Variants in PDE2A observed in about 807,000 individuals in gnomAD.
The protein encoded by PDE2A is cGMP-dependent 3',5'-cyclic phosphodiesterase.
A neutral mutation model predicts 133.6 loss-of-function variants in PDE2A; 53 were observed. That is an observed-to-expected ratio of 0.40 (90% CI 0.32 to 0.50). The LOEUF (loss-of-function observed/expected upper bound fraction) is 0.50. Ranked by LOEUF, PDE2A falls within the 20% of genes least tolerant of loss-of-function variation. The pLI, the probability that PDE2A is intolerant of heterozygous loss-of-function variation, is 0.73. For synonymous variants in PDE2A, 491 were observed against 490.2 expected, an observed-to-expected ratio of 1.00 and a Z score of -0.02; for missense variants, 796 against 1,232.4, an observed-to-expected ratio of 0.65 and a Z score of 5.30.
At chr11:72,655,490 T>TGTGTGTGTGTGTGCACGCAC (rs1290873258) in intron 1 of PDE2A, among the ~76,000 whole-genome samples, 3 of 111,330 alleles carry the variant, frequency 2.7e-5, no homozygotes, top group Admixed American at 2.4e-4. Flanking sequence ...AGTGAGTGCC[T>TGTGTGTGTGTGTGCACGCAC]GTGTGTGTGT....
intron 4 of PDE2A, among the ~76,000 whole-genome samples, chr11:72,603,402 C>G (rs1037709231): frequency 5.9e-5 from 9 of 152,168 alleles, no homozygotes; most frequent in African/African-American, 9.7e-5. Context: ...ATGCCTGGAC[C>G]GCAGATACGC....
At chr11:72,584,013 T>C (rs1245766792) in intron 19 of PDE2A, among the ~76,000 whole-genome samples, 188 bp downstream of exon 19, 2 of 152,168 alleles carry the variant, frequency 1.3e-5, no homozygotes, top group African/African-American at 4.8e-5. Context: ...GTATGCCCAA[T>C]TTTTAGATGG....
chr11:72,622,464 T>G (rs1857824499), intron 2 of PDE2A, among the ~76,000 whole-genome samples: 1 of 152,238 alleles, frequency 6.6e-6, no homozygotes, highest in Non-Finnish European at 1.5e-5. Flanking sequence ...AAGTGTCTGG[T>G]GTTGGATGGA....
chr11:72,645,924 T>C (rs1377703897), intron 1 of PDE2A, among the ~76,000 whole-genome samples: 1 of 152,222 alleles, frequency 6.6e-6, no homozygotes, highest in Non-Finnish European at 1.5e-5. Context: ...AGCTTGTAAG[T>C]AGTCAAAATT....
At chr11:72,579,970 C>T (rs1855645122) in intron 25 of PDE2A, 2 of 241,306 alleles carry the variant, frequency 8.3e-6, no homozygotes. Flanking sequence ...AGTGATGAGG[C>T]AAGGGCAAGG....
At chr11:72,636,065 C>T (rs1858678757) in intron 2 of PDE2A, 2 of 1,273,512 alleles carry the variant, frequency 1.6e-6, no homozygotes, top group African/African-American at 3.0e-5. Context: ...GCATGCAAGG[C>T]CAACTCCCTT....
At chr11:72,612,952 A>C (rs1370182569) in intron 2 of PDE2A, among the ~76,000 whole-genome samples, 1 of 152,178 alleles carries the variant, frequency 6.6e-6, no homozygotes, top group Non-Finnish European at 1.5e-5. Context: ...TTCTGCACTT[A>C]TCTGGGGAGA....
intron 1 of PDE2A, among the ~76,000 whole-genome samples, chr11:72,665,911 C>A (rs1241743004): frequency 8.8e-5 from 13 of 147,234 alleles, no homozygotes; most frequent in South Asian, 2.2e-4. Context: ...AAAACAACAA[C>A]AAAAAAAAAA....
intron 4 of PDE2A, chr11:72,598,845 G>C: frequency 1.0e-6 from 1 of 985,258 alleles, no homozygotes; most frequent in African/African-American, 1.7e-5. Context: ...TACAGGAACC[G>C]GTGGTGTCTC....
intron 2 of PDE2A, among the ~76,000 whole-genome samples, chr11:72,613,302 T>C (rs1331719369): frequency 6.6e-6 from 1 of 151,928 alleles, no homozygotes; most frequent in Non-Finnish European, 1.5e-5. Flanking sequence ...CCGGCTGTGC[T>C]CTTGGGACTG....
At chr11:72,582,608 C>T (rs1263846486) in intron 20 of PDE2A, 42 bp from the exon 21 acceptor site, 1 of 1,567,228 alleles carries the variant, frequency 6.4e-7, no homozygotes, top group Admixed American at 1.8e-5. Context: ...AGCCTTCACC[C>T]CATCTGGTGT....
chr11:72,650,180 C>T (rs1032932334), intron 1 of PDE2A, among the ~76,000 whole-genome samples: 1 of 152,082 alleles, frequency 6.6e-6, no homozygotes, highest in Non-Finnish European at 1.5e-5. Flanking sequence ...TGCCATTACG[C>T]CCGGCTAATA....
At position 72,581,911 on chromosome 11, in the gene PDE2A, T is replaced by C; in HGVS notation, c.1888A>G (p.Asn630Asp). Reference sequence around the variant, plus strand: ...GTCGGGCAGTCAATTTTGTAGTTGTTGATGAAATTCATGTCCTGCAGCATG... The same window carrying C: ...GTCGGGCAGTCAATTTTGTAGTTGTCGATGAAATTCATGTCCTGCAGCATG... The part of the protein sequence containing the change: ...LSMLQDMNFI[N>D]NYKIDCPTLA... The change falls in exon 22 of 31, where the codon AAC becomes GAC. Residue 630 changes from asparagine (N) to aspartate (D), a missense_variant. Transcript: ENST00000334456. The C allele has an allele frequency of 4.3e-6, 7 of 1,614,006 alleles. No individual in the cohort carries two copies. Among genetic ancestry groups the C allele is most frequent in the Non-Finnish European group, 5.9e-6 (7 of 1,179,994 alleles).
intron 2 of PDE2A, among the ~76,000 whole-genome samples, chr11:72,641,196 T>C (rs1858937048): frequency 6.6e-6 from 1 of 152,180 alleles, no homozygotes; most frequent in African/African-American, 2.4e-5. Context: ...GATGAGGGGC[T>C]TTATAAGTTA....
intron 2 of PDE2A, among the ~76,000 whole-genome samples, chr11:72,624,653 C>T (rs1857956714): frequency 6.6e-6 from 1 of 152,252 alleles, no homozygotes; most frequent in African/African-American, 2.4e-5. Flanking sequence ...GACACACCCT[C>T]CATGTGCTCA....
chr11:72,597,793 C>G lies in PDE2A; in HGVS notation c.324-174G>C, dbSNP rs1180725092. Among the ~76,000 whole-genome samples, 1 of 152,160 alleles carries G rather than the reference C, an allele frequency of 6.6e-6. No homozygotes were observed. Among genetic ancestry groups the G allele is most frequent in the East Asian group, 1.9e-4 (1 of 5,196 alleles). On this transcript the variant is annotated intron_variant, in intron 4 of 30. Coordinates refer to ENST00000334456, the MANE Select transcript of PDE2A (RefSeq NM_002599.5). This position sits in a 1 kb window ranked among gnomAD's most constrained non-coding sequence, Gnocchi z 4.6. ...AGTAAAAAAGTAGGGGACCCTGGACCCTATGTGGAGAAACAGGCAGCCACA... is the reference window on the plus strand; with the variant it reads ...AGTAAAAAAGTAGGGGACCCTGGACGCTATGTGGAGAAACAGGCAGCCACA...
At chr11:72,617,713 G>A (rs1286076090) in intron 2 of PDE2A, among the ~76,000 whole-genome samples, 1 of 152,184 alleles carries the variant, frequency 6.6e-6, no homozygotes, top group Non-Finnish European at 1.5e-5. Flanking sequence ...GAACCCCAGG[G>A]ACAGGCGGAG....
At chr11:72,589,275 T>A in intron 11 of PDE2A, 35 bp from the exon 12 acceptor site, 5 of 1,520,974 alleles carry the variant, frequency 3.3e-6, no homozygotes, top group Non-Finnish European at 3.6e-6. Context: ...CAGGGCCCAG[T>A]ACTCCCCAGG....
intron 14 of PDE2A, 138 bp downstream of exon 14, chr11:72,585,932 A>C: frequency 1.5e-6 from 1 of 660,254 alleles, no homozygotes; most frequent in Non-Finnish European, 2.8e-6. Context: ...CAAGCCTTCA[A>C]GTTATGAGGT....
Sources: gnomAD v4.1 joint callset for allele counts (sites outside exome capture counted in the v4.1 genomes callset) on GRCh38, gnomAD v4.1.1 for gene constraint, Gnocchi (gnomAD v3.1) non-coding constraint, MANE v1.5 for transcripts, NCBI Gene and HGNC (gene_info 2026-07-23, HGNC 2026-07-21) for gene names.